The following SLC25A21 variants were observed in gnomAD, a reference collection of about 807,000 sequenced individuals.
SLC25A21 encodes the protein solute carrier family 25 member 21.
SLC25A21 carries 47 observed loss-of-function variants against 43.8 expected under a neutral mutation model. The observed-to-expected ratio is 1.07, with a 90% CI of 0.85 to 1.37. The LOEUF (loss-of-function observed/expected upper bound fraction) is 1.37. Among genes scored for constraint, SLC25A21 ranks in the 40% most tolerant of loss-of-function variants. The probability of loss-of-function intolerance (pLI) is 0.00; values close to 1 mark genes in which losing one functional copy is unlikely to be tolerated. For synonymous variants in SLC25A21, 131 were observed against 121.3 expected (o/e 1.08, Z -0.52); for missense variants, 352 against 350.2 (o/e 1.00, Z -0.04).
At chr14:36,898,354 T>C (rs1404811156) in intron 1 of SLC25A21, among the ~76,000 whole-genome samples, 4 of 152,080 alleles carry the variant, frequency 2.6e-5, no homozygotes, top group Non-Finnish European at 5.9e-5. Flanking sequence ...TATAATCTCC[T>C]GGTGTGCCAT....
intron 3 of SLC25A21, among the ~76,000 whole-genome samples, chr14:36,800,559 T>C (rs1391103190): frequency 6.6e-6 from 1 of 152,082 alleles, no homozygotes; most frequent in Non-Finnish European, 1.5e-5. Flanking sequence ...GAACATAGAA[T>C]GGAGGTTATC....
chr14:36,910,459 A>G (rs1052402825), intron 1 of SLC25A21, among the ~76,000 whole-genome samples: 1 of 152,194 alleles, frequency 6.6e-6, no homozygotes, highest in African/African-American at 2.4e-5. Context: ...CCAGAATTAG[A>G]GTGCAAAAAG....
At chr14:36,909,979 A>G (rs534172355) in intron 1 of SLC25A21, among the ~76,000 whole-genome samples, 1 of 152,196 alleles carries the variant, frequency 6.6e-6, no homozygotes, top group African/African-American at 2.4e-5. Context: ...TCAGAGCATT[A>G]AAGAGGGTGC....
At chr14:36,950,052 C>G (rs963439636) in intron 1 of SLC25A21, among the ~76,000 whole-genome samples, 2 of 152,176 alleles carry the variant, frequency 1.3e-5, no homozygotes, top group African/African-American at 2.4e-5. Flanking sequence ...TTCTCCAAAT[C>G]TATTTAAATA....
At chr14:36,975,247 A>G (rs1959842550) in intron 1 of SLC25A21, among the ~76,000 whole-genome samples, 1 of 152,208 alleles carries the variant, frequency 6.6e-6, no homozygotes, top group South Asian at 2.1e-4. Flanking sequence ...GTGGATGACC[A>G]AAGGTTACCT....
intron 1 of SLC25A21, among the ~76,000 whole-genome samples, chr14:37,045,307 T>C (rs955261679): frequency 4.6e-5 from 7 of 152,200 alleles, no homozygotes; most frequent in African/African-American, 7.2e-5. Context: ...GAAGGAGAGA[T>C]TTCTGGACAC....
chr14:37,056,213 G>A (rs1049982167), intron 1 of SLC25A21, among the ~76,000 whole-genome samples: 13 of 152,162 alleles, frequency 8.5e-5, no homozygotes, highest in African/African-American at 2.2e-4. Context: ...AGTCTCGGCC[G>A]GGCGCTGTGG....
rs192842695 is a variant in SLC25A21 at position 36,778,251 on chromosome 14, A to G, written c.203+35667T>C. 5.1e-3 allele frequency among the ~76,000 whole-genome samples: 772 copies of G among 152,300 alleles called. 3 individuals carry two copies. The highest frequency in any genetic ancestry group is 7.8e-3 in the Non-Finnish European group (529 of 68,024). On this transcript the variant is annotated intron_variant, in intron 3 of 9. Coordinates refer to ENST00000331299, the MANE Select transcript of SLC25A21 (RefSeq NM_030631.4). ...ATCTCACATCAAATCTTTACTCCCC[A>G]TCACTGCAATCATGCAGTCGGAAGG...
At chr14:36,749,674 G>A (rs7146271) in intron 3 of SLC25A21, among the ~76,000 whole-genome samples, 158 of 152,146 alleles carry the variant, frequency 1.0e-3, no homozygotes, top group African/African-American at 3.3e-3. Context: ...ACTGGCCTTC[G>A]TCGTGTTCCC....
rs534534328 is a variant in SLC25A21, at chr14:36,750,118, C to T, written c.204-15545G>A. ...GATAAATGAGTTATATTCCCACTGA[C>T]GCAGAATGTTGGTGTTGTGAACAGA... On this transcript the variant is annotated intron_variant, in intron 3 of 9. Transcript: ENST00000331299. 1.4e-4 allele frequency among the ~76,000 whole-genome samples: 21 copies of T among 152,248 alleles called. No homozygotes were observed. The South Asian group carries it at 2.5e-3, about 18-fold the overall frequency.
intron 2 of SLC25A21, among the ~76,000 whole-genome samples, chr14:36,818,428 A>G (rs763066330): frequency 6.6e-6 from 1 of 152,232 alleles, no homozygotes; most frequent in Admixed American, 6.5e-5. Flanking sequence ...TCACAGGAGC[A>G]GAGTCCATAA....
chr14:36,834,365 G>T (rs561113910), intron 2 of SLC25A21, among the ~76,000 whole-genome samples: 1 of 152,314 alleles, frequency 6.6e-6, no homozygotes, highest in South Asian at 2.1e-4. Flanking sequence ...GAGTCAGACA[G>T]ACCTGGGTTC....
At chr14:36,998,119 T>C (rs2138721235) in intron 1 of SLC25A21, among the ~76,000 whole-genome samples, 1 of 152,296 alleles carries the variant, frequency 6.6e-6, no homozygotes, top group Admixed American at 6.5e-5. Flanking sequence ...AGTGTTATTA[T>C]TTTAAGTTTC....
At chr14:36,929,040 T>A (rs558379060) in intron 1 of SLC25A21, among the ~76,000 whole-genome samples, 1 of 152,164 alleles carries the variant, frequency 6.6e-6, no homozygotes, top group Non-Finnish European at 1.5e-5. Context: ...TATGACTCCA[T>A]TGTGATATAA....
chr14:36,773,286 T>TAAGG (rs1886694446), intron 3 of SLC25A21, among the ~76,000 whole-genome samples: 1 of 152,278 alleles, frequency 6.6e-6, no homozygotes, highest in Middle Eastern at 3.4e-3. Context: ...CGTCAGACTC[T>TAAGG]GCTGTGATAA....
intron 1 of SLC25A21, among the ~76,000 whole-genome samples, chr14:36,996,823 T>C (rs1333120426): frequency 6.6e-6 from 1 of 152,142 alleles, no homozygotes; most frequent in Non-Finnish European, 1.5e-5. Context: ...AACAGGAATG[T>C]GGTGACAAAT....
chr14:36,839,932 C>A (rs1889330143), intron 2 of SLC25A21, among the ~76,000 whole-genome samples: 1 of 152,210 alleles, frequency 6.6e-6, no homozygotes, highest in African/African-American at 2.4e-5. Flanking sequence ...ATTATAATCT[C>A]ATGGGACCAC....
At chr14:37,031,938 C>G (rs1961219931) in intron 1 of SLC25A21, among the ~76,000 whole-genome samples, 1 of 152,118 alleles carries the variant, frequency 6.6e-6, no homozygotes, top group African/African-American at 2.4e-5. Flanking sequence ...GTAGAAAAGA[C>G]AAAGATGGGC....
chr14:37,107,555 A>G (rs1019528480), intron 1 of SLC25A21, among the ~76,000 whole-genome samples: 6 of 152,120 alleles, frequency 3.9e-5, no homozygotes, highest in African/African-American at 9.7e-5. Context: ...ATGAATATTC[A>G]TATTTTATTT....
Sources: allele counts gnomAD v4.1 joint callset (sites outside exome capture counted in the v4.1 genomes callset), GRCh38; gene constraint gnomAD v4.1.1; transcripts MANE v1.5; gene names NCBI Gene and HGNC (gene_info 2026-07-23, HGNC 2026-07-21).